The following RRP1B variants were observed in gnomAD, a reference collection of about 807,000 sequenced individuals.
The protein encoded by RRP1B is ribosomal RNA processing 1B, also known as ribosomal RNA processing protein 1 homolog B.
In RRP1B, 56 loss-of-function variants were observed where a neutral mutation model predicts 80.2. The observed-to-expected ratio is 0.70, with a 90% CI of 0.56 to 0.87. The LOEUF (loss-of-function observed/expected upper bound fraction) is 0.87, where lower values mean the gene tolerates loss of function less well. RRP1B is among the 40% of genes least tolerant of loss of function. The pLI is 0.00. For missense variants in RRP1B, 807 were observed against 939.8 expected, an observed-to-expected ratio of 0.86 and a Z score of 1.85; for synonymous variants, 351 against 357.6, an observed-to-expected ratio of 0.98 and a Z score of 0.21.
chr21:43,680,123 G>T (rs969892575), intron 8 of RRP1B, among the ~76,000 whole-genome samples: 1 of 152,162 alleles, frequency 6.6e-6, no homozygotes, highest in African/African-American at 2.4e-5. Flanking sequence ...GTATATGATT[G>T]TATCATCGGC....
chr21:43,686,765 C>T lies in RRP1B; in HGVS notation c.1010-39C>T, dbSNP rs200761222. 88 of 1,610,752 alleles carry T rather than the reference C, an allele frequency of 5.5e-5. No individual in the cohort carries two copies. The Middle Eastern group carries it at 1.0e-3, about 18-fold the overall frequency. Reference sequence around the variant, plus strand: ...TAGGCCCCTGGGGCAGAGTCTTGAGCGCCTGGGGAAGCTAACAGTGTGTCA... The same window carrying T: ...TAGGCCCCTGGGGCAGAGTCTTGAGTGCCTGGGGAAGCTAACAGTGTGTCA... On this transcript the variant is annotated intron_variant, in intron 11 of 15. Coordinates refer to ENST00000340648, the MANE Select transcript of RRP1B (RefSeq NM_015056.3).
intron 8 of RRP1B, among the ~76,000 whole-genome samples, chr21:43,679,240 T>TC (rs1568957998): frequency 6.7e-6 from 1 of 150,312 alleles, no homozygotes; most frequent in African/African-American, 2.5e-5. Context: ...CTTTTTTTTT[T>TC]TGGTGTTTTG....
rs766926660 is a variant in RRP1B, at chr21:43,691,732, C to G, written c.2083+230C>G. Among the ~76,000 whole-genome samples the G allele has an allele frequency of 1.5e-4, 23 of 151,904 alleles. No individual in the cohort carries two copies. Among genetic ancestry groups the G allele is most frequent in the Middle Eastern group, 6.8e-3 (2 of 294 alleles). ...TGGCTCACTGCAACCTCCGCCCCCC[C>G]AGGTTCAAGCGATTCTCCTGCCTCA... On this transcript the variant is annotated intron_variant, in intron 15 of 15. Transcript: ENST00000340648. The surrounding 1 kb of genome is among the most constrained non-coding windows in gnomAD (Gnocchi z 4.2).
chr21:43,666,490 G>T (rs1012853357), intron 1 of RRP1B, among the ~76,000 whole-genome samples: 1 of 152,172 alleles, frequency 6.6e-6, no homozygotes, highest in African/African-American at 2.4e-5. Flanking sequence ...AGGCCAAGGT[G>T]GGGGGATCAT....
chr21:43,665,966 G>A (rs1198917899), intron 1 of RRP1B, among the ~76,000 whole-genome samples: 1 of 152,174 alleles, frequency 6.6e-6, no homozygotes, highest in African/African-American at 2.4e-5. Flanking sequence ...CCAAAGAGAG[G>A]ATTTGAAGGA....
chr21:43,659,875 G>T lies in RRP1B; in HGVS notation c.130+81G>T. ...GGGCTAGGGCCAGGGCCCCGGCACG[G>T]AATGCGGCTTCCACGTGTTGTCGTG... On this transcript the variant is annotated intron_variant, in intron 1 of 15. Coordinates refer to ENST00000340648, the MANE Select transcript of RRP1B (RefSeq NM_015056.3). The surrounding 1 kb of genome is among the most constrained non-coding windows in gnomAD (Gnocchi z 4.2). The T allele has an allele frequency of 7.5e-7, 1 of 1,339,370 alleles. No individual in the cohort carries two copies. The allele number at this position is 1,339,370 out of a possible 1,614,324, so 83.0% of individuals were successfully genotyped here. A position where few individuals can be genotyped will look rare whatever the true frequency, so the allele number is the denominator to read the frequency against.
intron 10 of RRP1B, among the ~76,000 whole-genome samples, chr21:43,684,953 G>A (rs2083057455): frequency 6.6e-6 from 1 of 152,082 alleles, no homozygotes; most frequent in South Asian, 2.1e-4. Flanking sequence ...TGCTATTTAG[G>A]TGTCTTCTGC....
intron 11 of RRP1B, 100 bp from the exon 12 acceptor site, chr21:43,686,701 CGAT>C: frequency 6.0e-6 from 8 of 1,343,630 alleles, no homozygotes; most frequent in Non-Finnish European, 7.2e-6. Flanking sequence ...CGGTGAGGAA[CGAT>C]GATGATGAGG....
In RRP1B at chr21:43,691,637, ATT is replaced by A. The variant is rs34380943; in HGVS notation, c.2083+150_2083+151del. 14,653 of 450,932 alleles carry A rather than the reference ATT, an allele frequency of 0.032. 22 individuals are homozygous for A. Among genetic ancestry groups the A allele is most frequent in the African/African-American group, 0.042 (1,951 of 46,972 alleles). The allele number at this position is 450,932 out of a possible 1,614,324, so 27.9% of individuals were successfully genotyped here. The stretch of plus-strand genomic sequence containing the variant: ...CCTCACTGCCCATTTCTTTATTTTT[ATT>A]TTTTTTTTTTTTTTGAGACAGAGTC... On this transcript the variant is annotated intron_variant, in intron 15 of 15. Coordinates refer to ENST00000340648, the MANE Select transcript of RRP1B (RefSeq NM_015056.3). This position sits in a 1 kb window ranked among gnomAD's most constrained non-coding sequence, Gnocchi z 4.2.
At chr21:43,685,832 A>C in intron 11 of RRP1B, 43 bp downstream of exon 11, 1 of 1,583,936 alleles carries the variant, frequency 6.3e-7, no homozygotes, top group Non-Finnish European at 8.6e-7. Flanking sequence ...TTTTTCGTGA[A>C]TATGGACCCC....
At chr21:43,674,826 C>A in intron 5 of RRP1B, 129 bp downstream of exon 5, 1 of 1,043,154 alleles carries the variant, frequency 9.6e-7, no homozygotes, top group Non-Finnish European at 1.4e-6. Flanking sequence ...GAATTGAAAT[C>A]CAGTAGAAGG....
At chr21:43,660,780 G>C (rs987236160) in intron 1 of RRP1B, among the ~76,000 whole-genome samples, 2 of 152,102 alleles carry the variant, frequency 1.3e-5, no homozygotes, top group East Asian at 1.9e-4. Context: ...GGGTTGGGGG[G>C]GCGAGTGTTA....
At chr21:43,672,604 C>G (rs890685899) in intron 3 of RRP1B, among the ~76,000 whole-genome samples, 5 of 152,190 alleles carry the variant, frequency 3.3e-5, no homozygotes, top group African/African-American at 9.7e-5. Context: ...TCTTCAAATT[C>G]TGAGTTACTT....
At chr21:43,692,741 C>T (rs958120964) in intron 15 of RRP1B, among the ~76,000 whole-genome samples, 4 of 151,782 alleles carry the variant, frequency 2.6e-5, no homozygotes, top group South Asian at 2.1e-4. Flanking sequence ...TGCACACATG[C>T]GTGAGTGTGT....
Position 43,683,376 on chromosome 21 carries a change from G to A in RRP1B, c.891+3G>A. On this transcript the variant is annotated splice_donor_region_variant and intron_variant, in intron 9 of 15. Coordinates refer to ENST00000340648, the MANE Select transcript of RRP1B (RefSeq NM_015056.3). Reference sequence around the variant, plus strand: ...AGGACACAGGGCCCCTTCTCCAGGTGGGTAGCAGTTGTTGCTTTTTATAGA... The same window carrying A: ...AGGACACAGGGCCCCTTCTCCAGGTAGGTAGCAGTTGTTGCTTTTTATAGA... 7 of 1,611,630 alleles carry A rather than the reference G, an allele frequency of 4.3e-6. No homozygotes were observed. The highest frequency in any genetic ancestry group is 5.1e-6 in the Non-Finnish European group (6 of 1,177,786).
At position 43,691,573 on chromosome 21, in the gene RRP1B, G is replaced by C. The variant is rs895444777; in HGVS notation, c.2083+71G>C. The C allele has an allele frequency of 1.5e-6, 2 of 1,356,280 alleles. No individual in the cohort carries two copies. 84.0% of individuals were successfully genotyped at this position (1,356,280 alleles called of 1,614,324 possible). A position where few individuals can be genotyped will look rare whatever the true frequency, so the allele number is the denominator to read the frequency against. ...CAGCTCCTGGCGCGGCTCGCAGCCT[G>C]GTTCCACAAGGCGGTCGGGGAAGAG... On this transcript the variant is annotated intron_variant, in intron 15 of 15. Coordinates refer to ENST00000340648, the MANE Select transcript of RRP1B (RefSeq NM_015056.3). The surrounding 1 kb of genome is among the most constrained non-coding windows in gnomAD (Gnocchi z 4.2).
At chr21:43,688,380 C>A in intron 13 of RRP1B, 140 bp downstream of exon 13, 1 of 1,041,548 alleles carries the variant, frequency 9.6e-7, no homozygotes, top group Non-Finnish European at 1.4e-6. Flanking sequence ...AGGGTGTGTT[C>A]ATAACAGCCT....
Position 43,691,560 on chromosome 21 carries a change from C to G in RRP1B, c.2083+58C>G. 5 of 1,509,580 alleles carry G rather than the reference C, an allele frequency of 3.3e-6. No homozygotes were observed. The highest frequency in any genetic ancestry group is 4.6e-6 in the Non-Finnish European group (5 of 1,086,372). 93.5% of individuals were successfully genotyped at this position (1,509,580 alleles called of 1,614,324 possible). ...TGGAGCACAGCTGCAGCTCCTGGCG[C>G]GGCTCGCAGCCTGGTTCCACAAGGC... On this transcript the variant is annotated intron_variant, in intron 15 of 15. Coordinates refer to ENST00000340648, the MANE Select transcript of RRP1B (RefSeq NM_015056.3). This position sits in a 1 kb window ranked among gnomAD's most constrained non-coding sequence, Gnocchi z 4.2.
Position 43,691,646 on chromosome 21 carries a change from T to A in RRP1B, c.2083+144T>A, listed in dbSNP as rs1291852316. ...CCATTTCTTTATTTTTATTTTTTTT[T>A]TTTTTTTGAGACAGAGTCTCGCTGC... On this transcript the variant is annotated intron_variant, in intron 15 of 15. Coordinates refer to ENST00000340648, the MANE Select transcript of RRP1B (RefSeq NM_015056.3). The surrounding 1 kb of genome is among the most constrained non-coding windows in gnomAD (Gnocchi z 4.2). 10 of 625,668 alleles carry A rather than the reference T, an allele frequency of 1.6e-5. No homozygotes were observed. Among genetic ancestry groups the A allele is most frequent in the East Asian group, 1.5e-4 (5 of 34,458 alleles). 38.8% of individuals were successfully genotyped at this position (625,668 alleles called of 1,614,324 possible).
Sources: allele counts gnomAD v4.1 joint callset (sites outside exome capture counted in the v4.1 genomes callset), GRCh38; gene constraint gnomAD v4.1.1; non-coding constraint Gnocchi (gnomAD v3.1); transcripts MANE v1.5; gene names NCBI Gene and HGNC (gene_info 2026-07-23, HGNC 2026-07-21).